TMEM68: variants seen among roughly 807,000 people sequenced by gnomAD.
TMEM68 encodes DGAT1/2-independent enzyme synthesizing storage lipids.
A neutral mutation model predicts 36.9 loss-of-function variants in TMEM68; 25 were observed. The ratio of observed to expected loss-of-function variants is 0.68; its 90% confidence interval spans 0.49 to 0.95. TMEM68 has a LOEUF of 0.95. Ranked by LOEUF, TMEM68 falls within the 40% of genes least tolerant of loss-of-function variation. The pLI is 0.00. For synonymous variants in TMEM68, 131 were observed against 124.4 expected, an observed-to-expected ratio of 1.05 and a Z score of -0.35; for missense variants, 333 against 392.0, an observed-to-expected ratio of 0.85 and a Z score of 1.27.
chr8:55,745,394 CT>C (rs1262104030), intron 5 of TMEM68: 4 of 210,312 alleles, frequency 1.9e-5, no homozygotes, highest in Non-Finnish European at 3.7e-5. Context: ...TTTTGAGGGC[CT>C]GTTTGATATT....
intron 1 of TMEM68, among the ~76,000 whole-genome samples, chr8:55,765,562 G>A (rs1055149128): frequency 3.9e-5 from 6 of 152,054 alleles, no homozygotes; most frequent in Admixed American, 1.3e-4. Flanking sequence ...GTTTGCTATC[G>A]CTATCATTCA....
intron 1 of TMEM68, among the ~76,000 whole-genome samples, chr8:55,768,987 G>A (rs1218977568): frequency 7.4e-6 from 1 of 134,474 alleles, no homozygotes. Context: ...CTGCACTCCA[G>A]CCTCAGTGAA....
At chr8:55,772,310 A>G (rs1811200364) in intron 1 of TMEM68, among the ~76,000 whole-genome samples, 1 of 152,340 alleles carries the variant, frequency 6.6e-6, no homozygotes. Flanking sequence ...TACCAATACT[A>G]TTTTGGCATT....
Position 55,745,844 on chromosome 8 carries a change from G to A in TMEM68, c.688-723C>T, listed in dbSNP as rs548221124. On this transcript the variant is annotated intron_variant, in intron 5 of 7. Coordinates refer to ENST00000434581, the MANE Select transcript of TMEM68 (RefSeq NM_001286657.2). ...CCCAAAGTGTTAGGATTACAGGCGT[G>A]AGCCACTGCACCTGGCTCCAAAGGG... 5 of 152,292 alleles carry A rather than the reference G, an allele frequency of 3.3e-5. No individual in the cohort carries two copies. The South Asian group carries it at 8.3e-4, about 25-fold the overall frequency. 9.4% of individuals were successfully genotyped at this position (152,292 alleles called of 1,614,324 possible).
Position 55,751,043 on chromosome 8 carries a change from G to T in TMEM68, c.608C>A (p.Ala203Asp). Reference protein sequence around the residue: ...LAISPGGVREALISDETYNIV... With the variant: ...LAISPGGVREDLISDETYNIV... ...GTTATAAGTTTCATCACTAATTAGG[G>T]CTTCTCGAACTCCACCTGGTGAGAT... is the stretch of plus-strand genomic sequence containing the variant. Residue 203 changes from alanine to aspartate, a missense_variant, in exon 5 of 8, where the codon GCC (alanine) becomes GAC (aspartate). By Grantham distance (126) the Ala-to-Asp change is moderately radical. Coordinates refer to ENST00000434581, the MANE Select transcript of TMEM68 (RefSeq NM_001286657.2). The T allele has an allele frequency of 6.2e-7, 1 of 1,613,970 alleles. No homozygotes were observed. The highest frequency in any genetic ancestry group is 1.1e-5 in the South Asian group (1 of 91,072).
chr8:55,751,233 CTACA>C, intron 4 of TMEM68, 76 bp from the exon 5 acceptor site: 1 of 1,299,026 alleles, frequency 7.7e-7, no homozygotes, highest in East Asian at 2.3e-5. Context: ...TCTTCACAAA[CTACA>C]TAGTGTACTA....
intron 7 of TMEM68, among the ~76,000 whole-genome samples, chr8:55,741,434 T>C (rs1810099940): frequency 6.6e-6 from 1 of 152,194 alleles, no homozygotes; most frequent in South Asian, 2.1e-4. Context: ...TCGAAAAATA[T>C]TAGATGCTTT....
chr8:55,740,705 T>C (rs929560787), intron 7 of TMEM68, among the ~76,000 whole-genome samples: 1 of 152,096 alleles, frequency 6.6e-6, no homozygotes, highest in Non-Finnish European at 1.5e-5. Flanking sequence ...TAAATTCTAA[T>C]GTATATTTTC....
At chr8:55,765,908 C>G (rs781184209) in intron 1 of TMEM68, among the ~76,000 whole-genome samples, 15 of 152,150 alleles carry the variant, frequency 9.9e-5, no homozygotes, top group Non-Finnish European at 2.1e-4. Context: ...TCTATAAAGA[C>G]CTATTTAGCA....
At chr8:55,757,000 G>A (rs1810627102) in intron 3 of TMEM68, among the ~76,000 whole-genome samples, 1 of 152,086 alleles carries the variant, frequency 6.6e-6, no homozygotes, top group African/African-American at 2.4e-5. Flanking sequence ...AGCAATGATG[G>A]GAGATGGGTT....
intron 4 of TMEM68, among the ~76,000 whole-genome samples, chr8:55,754,510 C>T (rs1404230535): frequency 7.3e-6 from 1 of 137,018 alleles, no homozygotes; most frequent in Non-Finnish European, 1.5e-5. Flanking sequence ...CACACACACA[C>T]GTGTATATAT....
In TMEM68 at chr8:55,749,287, A is replaced by G. The variant is rs369007202; in HGVS notation, c.687+1677T>C. On this transcript the variant is annotated intron_variant, in intron 5 of 7. Coordinates refer to ENST00000434581, the MANE Select transcript of TMEM68 (RefSeq NM_001286657.2). ...GAATAAACCTTAATATTTTCTACCAATATTTTGTGAACTTGCCTTGACAAT... is the reference window on the plus strand; with the variant it reads ...GAATAAACCTTAATATTTTCTACCAGTATTTTGTGAACTTGCCTTGACAAT... 7.2e-4 allele frequency among the ~76,000 whole-genome samples: 109 copies of G among 152,306 alleles called. 3 individuals carry two copies. The South Asian group carries it at 0.022, about 30-fold the overall frequency.
intron 7 of TMEM68, among the ~76,000 whole-genome samples, chr8:55,742,291 T>A (rs931191852): frequency 6.6e-5 from 10 of 152,286 alleles, no homozygotes; most frequent in Non-Finnish European, 1.3e-4. Context: ...TTTTGCAAGA[T>A]GAAAAAATTC....
chr8:55,743,715 G>C (rs1192233363), intron 6 of TMEM68, 95 bp from the exon 7 acceptor site: 4 of 1,134,464 alleles, frequency 3.5e-6, no homozygotes, highest in Non-Finnish European at 4.7e-6. Flanking sequence ...TTACAGGAAG[G>C]TGGCAAAAAG....
At chr8:55,749,053 T>A (rs1810362020) in intron 5 of TMEM68, among the ~76,000 whole-genome samples, 1 of 152,224 alleles carries the variant, frequency 6.6e-6, no homozygotes, top group Admixed American at 6.5e-5. Flanking sequence ...AAAGTTTTTA[T>A]GGATAAAGTG....
intron 6 of TMEM68, among the ~76,000 whole-genome samples, chr8:55,744,791 T>C: frequency 6.6e-6 from 1 of 152,172 alleles, no homozygotes; most frequent in East Asian, 1.9e-4. Context: ...GTCACCATGG[T>C]TTAAAACAAT....
intron 4 of TMEM68, among the ~76,000 whole-genome samples, chr8:55,752,582 T>C (rs1810453309): frequency 6.6e-6 from 1 of 152,064 alleles, no homozygotes; most frequent in Non-Finnish European, 1.5e-5. Flanking sequence ...AGCAAGACTG[T>C]CTCAAAAAAA....
intron 4 of TMEM68, among the ~76,000 whole-genome samples, chr8:55,754,863 AAAAT>A: frequency 7.4e-6 from 1 of 135,384 alleles, no homozygotes; most frequent in Non-Finnish European, 1.5e-5. Context: ...TATTATATAT[AAAAT>A]ATATAGTATA....
At chr8:55,747,893 T>C (rs1276482733) in intron 5 of TMEM68, 3 of 152,170 alleles carry the variant, frequency 2.0e-5, no homozygotes, top group Non-Finnish European at 4.4e-5. Context: ...TTCCAACCAG[T>C]ATGGCTGGAT....
Sources: allele counts gnomAD v4.1 joint callset (sites outside exome capture counted in the v4.1 genomes callset), GRCh38; gene constraint gnomAD v4.1.1; transcripts MANE v1.5; gene names NCBI Gene and HGNC (gene_info 2026-07-23, HGNC 2026-07-21).